Variants in NR3C1 observed in about 807,000 individuals in gnomAD.
The protein encoded by NR3C1 is glucocorticoid receptor.
In NR3C1, 14 loss-of-function variants were observed where a neutral mutation model predicts 74.0. The observed-to-expected ratio is 0.19, with a 90% CI of 0.12 to 0.30. The LOEUF (loss-of-function observed/expected upper bound fraction) is 0.30. Ranked by LOEUF, NR3C1 falls within the 10% of genes least tolerant of loss-of-function variation. The pLI, the probability that NR3C1 is intolerant of heterozygous loss-of-function variation, is 1.00. For synonymous variants in NR3C1, 308 were observed against 332.5 expected (o/e 0.93, Z 0.80); for missense variants, 695 against 909.8 (o/e 0.76, Z 3.04).
chr5:143,320,183 G>A (rs1823052285), intron 2 of NR3C1, among the ~76,000 whole-genome samples: 1 of 152,132 alleles, frequency 6.6e-6, no homozygotes, highest in African/African-American at 2.4e-5. Context: ...AATAAGCTAT[G>A]GAATAGTTTT....
chr5:143,334,534 T>C (rs1217733647), intron 2 of NR3C1, among the ~76,000 whole-genome samples: 1 of 152,138 alleles, frequency 6.6e-6, no homozygotes, highest in African/African-American at 2.4e-5. Flanking sequence ...TTGTTGCATG[T>C]ATCCTAGGGT....
intron 2 of NR3C1, among the ~76,000 whole-genome samples, chr5:143,394,008 T>G (rs1182591186): frequency 6.6e-6 from 1 of 152,050 alleles, no homozygotes; most frequent in Non-Finnish European, 1.5e-5. Flanking sequence ...CATTTACAAC[T>G]AATCATATCA....
At chr5:143,409,876 A>G (rs1409383314) in intron 1 of NR3C1, among the ~76,000 whole-genome samples, 1 of 152,240 alleles carries the variant, frequency 6.6e-6, no homozygotes, top group Non-Finnish European at 1.5e-5. Context: ...GATGCTTTCA[A>G]TGATTTCATC....
At position 143,308,093 on chromosome 5, in the gene NR3C1, T is replaced by C. The variant is rs556489947; in HGVS notation, c.1468+2004A>G. Among the ~76,000 whole-genome samples the C allele has an allele frequency of 3.9e-5, 6 of 152,314 alleles. No homozygotes were observed. In the South Asian group the frequency reaches 1.2e-3, roughly 32 times the overall value. On this transcript the variant is annotated intron_variant, in intron 4 of 8. Coordinates refer to ENST00000394464, the MANE Select transcript of NR3C1 (RefSeq NM_000176.3). ...GACTCTTCATAGTCATACCCATAAA[T>C]CTATTTTCTATTTAACAAGATGTCT...
At chr5:143,433,462 A>ATATAATTTATTTATTTAAATTT (rs1422510030) in intron 1 of NR3C1, among the ~76,000 whole-genome samples, 5 of 146,500 alleles carry the variant, frequency 3.4e-5, no homozygotes, top group East Asian at 1.9e-4. Flanking sequence ...TTATATATAT[A>ATATAATTTATTTATTTAAATTT]TATATATATT....
intron 7 of NR3C1, among the ~76,000 whole-genome samples, chr5:143,283,932 T>A (rs1813697750): frequency 6.6e-6 from 1 of 152,204 alleles, no homozygotes; most frequent in African/African-American, 2.4e-5. Context: ...ACTTCTGAAT[T>A]TCAGTACTTC....
chr5:143,316,363 G>A (rs1032625705), intron 2 of NR3C1, among the ~76,000 whole-genome samples: 2 of 152,174 alleles, frequency 1.3e-5, no homozygotes, highest in African/African-American at 2.4e-5. Context: ...TACAGAAAAC[G>A]AGTGCATTGT....
At chr5:143,434,595 A>G (rs1752026976) in exon 1 of NR3C1, 2 of 985,354 alleles carry the variant, frequency 2.0e-6, no homozygotes, top group Non-Finnish European at 2.4e-6. Flanking sequence ...GGAGCCAGGC[A>G]GATGAAAATT....
At chr5:143,348,716 A>G (rs770676941) in intron 2 of NR3C1, among the ~76,000 whole-genome samples, 4 of 152,188 alleles carry the variant, frequency 2.6e-5, no homozygotes, top group Non-Finnish European at 4.4e-5. Context: ...TACATGTATC[A>G]TAAGTTTTGA....
At chr5:143,404,336 C>CAGGGA (rs909802158), upstream of NR3C1, 49 of 985,494 alleles carry the variant, frequency 5.0e-5, no homozygotes, top group Non-Finnish European at 5.5e-5. Flanking sequence ...GGGGAGGCTT[C>CAGGGA]AGGGAAGGGA....
At chr5:143,359,262 A>G (rs970164986) in intron 2 of NR3C1, among the ~76,000 whole-genome samples, 2 of 152,190 alleles carry the variant, frequency 1.3e-5, no homozygotes, top group African/African-American at 4.8e-5. Flanking sequence ...CAAAATCTAG[A>G]CTGTAACATA....
At chr5:143,313,185 A>T (rs905666129) in intron 3 of NR3C1, among the ~76,000 whole-genome samples, 1 of 152,064 alleles carries the variant, frequency 6.6e-6, no homozygotes, top group African/African-American at 2.4e-5. Flanking sequence ...TTATATGACA[A>T]TTTTTTTCCT....
intron 2 of NR3C1, among the ~76,000 whole-genome samples, chr5:143,323,520 C>T (rs2151661697): frequency 6.6e-6 from 1 of 152,254 alleles, no homozygotes; most frequent in East Asian, 1.9e-4. Flanking sequence ...CTGGGACATA[C>T]AATTCAAGTT....
At chr5:143,434,636 G>C in exon 1 of NR3C1, 1 of 985,456 alleles carries the variant, frequency 1.0e-6, no homozygotes, top group Non-Finnish European at 1.2e-6. Context: ...AAAGCCCGAG[G>C]AGGGTAGGAG....
intron 2 of NR3C1, among the ~76,000 whole-genome samples, chr5:143,378,989 C>T (rs1370856265): frequency 1.3e-5 from 2 of 152,132 alleles, no homozygotes; most frequent in African/African-American, 4.8e-5. Flanking sequence ...CACCTCTCAA[C>T]CCATGAATCA....
Position 143,332,778 on chromosome 5 carries a change from G to A in NR3C1, c.1185-18610C>T, listed in dbSNP as rs943543340. 74 of 1,579,884 alleles carry A rather than the reference G, an allele frequency of 4.7e-5. No individual in the cohort carries two copies. In the Admixed American group the frequency reaches 8.3e-4, roughly 18 times the overall value. ...TTCCTTGGCCTTTGTTGTACGCATC[G>A]AAAGGATTGATGGCGTGAGTTTACG... On this transcript the variant is annotated intron_variant, in intron 2 of 8. Coordinates refer to ENST00000394464, the MANE Select transcript of NR3C1 (RefSeq NM_000176.3).
chr5:143,373,227 G>A (rs1395171662), intron 2 of NR3C1, among the ~76,000 whole-genome samples: 1 of 150,690 alleles, frequency 6.6e-6, no homozygotes, highest in East Asian at 1.9e-4. Context: ...TTCCCTTGGG[G>A]AAAAAAAAAC....
Position 143,290,347 on chromosome 5 carries a change from G to A in NR3C1, c.2023+5113C>T, listed in dbSNP as rs34186246. Reference sequence around the variant, plus strand: ...CAATGACTATGTTCCTGCCACAAGGGCAGAGTTTAGTAGCTGTGACAGAGA... The same window carrying A: ...CAATGACTATGTTCCTGCCACAAGGACAGAGTTTAGTAGCTGTGACAGAGA... On this transcript the variant is annotated intron_variant, in intron 7 of 8. Coordinates refer to ENST00000394464, the MANE Select transcript of NR3C1 (RefSeq NM_000176.3). 3.8e-3 allele frequency among the ~76,000 whole-genome samples: 586 copies of A among 152,326 alleles called. 1 individual carries two copies. The highest frequency in any genetic ancestry group is 0.013 in the African/African-American group (541 of 41,580).
chr5:143,279,487 C>G lies in NR3C1; in HGVS notation c.*2402G>C. 7.1e-7 allele frequency: 1 copy of G among 1,415,720 alleles called. No homozygotes were observed. The highest frequency in any genetic ancestry group is 2.8e-5 in the East Asian group (1 of 35,418). The allele number at this position is 1,415,720 out of a possible 1,614,324, so 87.7% of individuals were successfully genotyped here. A position where few individuals can be genotyped will look rare whatever the true frequency, so the allele number is the denominator to read the frequency against. ...ACTGTCATTGATAAGAATATTCAAG[C>G]AGTTTTCTTAGGCACCAAAAATTTA... On this transcript the variant is annotated 3_prime_UTR_variant, in exon 9 of 9. Coordinates refer to ENST00000394464, the MANE Select transcript of NR3C1 (RefSeq NM_000176.3).
Sources: allele counts gnomAD v4.1 joint callset (sites outside exome capture counted in the v4.1 genomes callset), GRCh38; gene constraint gnomAD v4.1.1; transcripts MANE v1.5; gene names NCBI Gene and HGNC (gene_info 2026-07-23, HGNC 2026-07-21).